KNTC1: variants seen among roughly 807,000 people sequenced by gnomAD.
KNTC1 encodes the protein kinetochore-associated protein 1.
Under a neutral mutation model 314.4 loss-of-function variants are expected in KNTC1, and 253 were observed. That is an observed-to-expected ratio of 0.80 (90% CI 0.73 to 0.89). KNTC1 has a LOEUF of 0.89. Ranked by LOEUF, KNTC1 falls within the 40% of genes least tolerant of loss-of-function variation. The pLI, the probability that KNTC1 is intolerant of heterozygous loss-of-function variation, is 0.00. For missense variants in KNTC1, 2,475 were observed against 2,572.9 expected, an observed-to-expected ratio of 0.96 and a Z score of 0.82; for synonymous variants, 901 against 901.4, an observed-to-expected ratio of 1.00 and a Z score of 0.01.
chr12:122,582,798 G>A lies in KNTC1; in HGVS notation c.3076G>A (p.Ala1026Thr). ...GCAGCACATTAAAGCTCACGAAGTT[G>A]CACAGGCGAAACACAAACCTGGGAG... ...REQHIKAHEVAQAKHKPGSTP... is the reference protein window; with the variant it reads ...REQHIKAHEVTQAKHKPGSTP... The change falls in exon 34 of 64, where the codon GCA (alanine) becomes ACA (threonine). Residue 1026 changes from alanine to threonine, a missense_variant. Coordinates refer to ENST00000333479, the MANE Select transcript of KNTC1 (RefSeq NM_014708.6). The A allele has an allele frequency of 6.2e-7, 1 of 1,612,664 alleles. No homozygotes were observed.
chr12:122,569,559 G>A (rs1189507779), intron 21 of KNTC1, 122 bp from the exon 22 acceptor site: 13 of 772,148 alleles, frequency 1.7e-5, no homozygotes, highest in Non-Finnish European at 2.3e-5. Flanking sequence ...ATCTCCTTTA[G>A]CACTCATTAT....
intron 20 of KNTC1, among the ~76,000 whole-genome samples, chr12:122,565,292 T>C (rs1039645065): frequency 6.6e-6 from 1 of 151,114 alleles, no homozygotes; most frequent in African/African-American, 2.4e-5. Context: ...GTTTTATTAT[T>C]GTTGTGTTTT....
At position 122,551,275 on chromosome 12, in the gene KNTC1, T is replaced by G. The variant is rs771431929; in HGVS notation, c.1087-44T>G. The G allele has an allele frequency of 2.2e-5, 27 of 1,239,644 alleles. No homozygotes were observed. In the African/African-American group the frequency reaches 3.0e-4, roughly 14 times the overall value. 76.8% of individuals were successfully genotyped at this position (1,239,644 alleles called of 1,614,324 possible). Reference sequence around the variant, plus strand: ...TTACTCTAGTAATTATAAAATGCATTGCTCTTATATTGGAATTTTAATCAT... The same window carrying G: ...TTACTCTAGTAATTATAAAATGCATGGCTCTTATATTGGAATTTTAATCAT... On this transcript the variant is annotated intron_variant, in intron 13 of 63. Transcript: ENST00000333479.
intron 16 of KNTC1, among the ~76,000 whole-genome samples, chr12:122,555,179 A>G (rs1963496227): frequency 6.6e-6 from 1 of 152,234 alleles, no homozygotes; most frequent in South Asian, 2.1e-4. Context: ...TGTCATGATG[A>G]CATGTAAAAG....
chr12:122,620,458 A>G (rs759103270), intron 59 of KNTC1, 21 bp from the exon 60 acceptor site: 14 of 1,605,444 alleles, frequency 8.7e-6, no homozygotes, highest in South Asian at 1.1e-5. Flanking sequence ...ATTATTAACT[A>G]ATTAATGTTC....
chr12:122,562,108 A>G, intron 19 of KNTC1, 134 bp downstream of exon 19: 1 of 818,684 alleles, frequency 1.2e-6, no homozygotes, highest in Non-Finnish European at 1.9e-6. Flanking sequence ...GCAAAATGGT[A>G]ATATTAATAG....
At chr12:122,583,040 G>C (rs7398861) in intron 34 of KNTC1, 55 bp downstream of exon 34, 1 of 1,511,534 alleles carries the variant, frequency 6.6e-7, no homozygotes, top group African/African-American at 1.4e-5. Flanking sequence ...GGCTGGGCAC[G>C]GTAACTCATA....
At chr12:122,572,878 C>A in intron 24 of KNTC1, 59 bp from the exon 25 acceptor site, 1 of 1,282,170 alleles carries the variant, frequency 7.8e-7, no homozygotes, top group Non-Finnish European at 1.1e-6. Context: ...AATTCTGATT[C>A]TATTTTTCTC....
In KNTC1 at chr12:122,542,035, AT is replaced by A; in HGVS notation, c.446-11del. The stretch of plus-strand genomic sequence containing the variant: ...TCTCAAAAAAAAGAAACTGATTCTG[AT>A]TTTATTTCAATAGGTACCTATTATA... On this transcript the variant is annotated splice_polypyrimidine_tract_variant and intron_variant, in intron 5 of 63. Transcript: ENST00000333479. 1 of 1,511,382 alleles carries A rather than the reference AT, an allele frequency of 6.6e-7. No homozygotes were observed. Among genetic ancestry groups the A allele is most frequent in the East Asian group, 2.4e-5 (1 of 41,388 alleles). 93.6% of individuals were successfully genotyped at this position (1,511,382 alleles called of 1,614,324 possible).
At position 122,575,560 on chromosome 12, in the gene KNTC1, G is replaced by C; in HGVS notation, c.2400G>C (p.Val800=). ...LSDTDLIFDA[V]LKIMYAAVVP... is the part of the protein sequence containing the mutation. ...TTTTGTAGCTCATATTTGATGCCGTGCTCAAGATCATGTATGCGGCAGTGG... is the reference window on the plus strand; with the variant it reads ...TTTTGTAGCTCATATTTGATGCCGTCCTCAAGATCATGTATGCGGCAGTGG... Residue 800 remains valine, a synonymous_variant, in exon 28 of 64, where the codon GTG becomes GTC. Transcript: ENST00000333479. 6.3e-7 allele frequency: 1 copy of C among 1,592,108 alleles called. No homozygotes were observed. Among genetic ancestry groups the C allele is most frequent in the Non-Finnish European group, 8.6e-7 (1 of 1,168,760 alleles).
intron 57 of KNTC1, 21 bp from the exon 58 acceptor site, chr12:122,618,322 A>G: frequency 6.2e-7 from 1 of 1,611,406 alleles, no homozygotes; most frequent in Non-Finnish European, 8.5e-7. Flanking sequence ...GAATATCCCA[A>G]ACGTGGACTT....
At chr12:122,557,264 G>A (rs1290057786) in intron 16 of KNTC1, 120 bp from the exon 17 acceptor site, 1 of 860,980 alleles carries the variant, frequency 1.2e-6, no homozygotes, top group Non-Finnish European at 1.8e-6. Context: ...TCTCATTCCT[G>A]GAGCGCATGA....
chr12:122,574,265 T>C lies in KNTC1; in HGVS notation c.2284-17T>C, dbSNP rs1227745833. 4.8e-6 allele frequency: 7 copies of C among 1,473,268 alleles called. 1 individual carries two copies. The South Asian group carries it at 7.1e-5, about 15-fold the overall frequency. The allele number at this position is 1,473,268 out of a possible 1,614,324, so 91.3% of individuals were successfully genotyped here. A position where few individuals can be genotyped will look rare whatever the true frequency, so the allele number is the denominator to read the frequency against. On this transcript the variant is annotated splice_polypyrimidine_tract_variant and intron_variant, in intron 26 of 63. Coordinates refer to ENST00000333479, the MANE Select transcript of KNTC1 (RefSeq NM_014708.6). ...ATTTTTAATTTTTAAAAAACATACATGTTTATCCCTTTTTAGGATTTACTG... is the reference window on the plus strand; with the variant it reads ...ATTTTTAATTTTTAAAAAACATACACGTTTATCCCTTTTTAGGATTTACTG...
chr12:122,613,585 G>A (rs761399437), intron 54 of KNTC1, 41 bp from the exon 55 acceptor site: 18 of 1,536,288 alleles, frequency 1.2e-5, no homozygotes, highest in Non-Finnish European at 1.6e-5. Flanking sequence ...ATGTAAATGT[G>A]GCCTATGAGA....
chr12:122,577,834 A>G (rs1364839579), intron 31 of KNTC1, 43 bp downstream of exon 31: 1 of 1,544,474 alleles, frequency 6.5e-7, no homozygotes, highest in Middle Eastern at 1.7e-4. Context: ...TCCAATTTTT[A>G]TGGCTATTAA....
At chr12:122,544,791 T>TA (rs772386866) in intron 8 of KNTC1, among the ~76,000 whole-genome samples, 9 of 152,154 alleles carry the variant, frequency 5.9e-5, no homozygotes, top group South Asian at 2.1e-4. Context: ...TTAGTGAAAA[T>TA]AAAGATGTAA....
chr12:122,591,224 T>TTCTACAC (rs1870145465), intron 41 of KNTC1, 113 bp from the exon 42 acceptor site: 3 of 716,958 alleles, frequency 4.2e-6, no homozygotes, highest in Non-Finnish European at 7.6e-6. Flanking sequence ...ATATGTAACA[T>TTCTACAC]TCTACACGGT....
rs757801099 is a variant in KNTC1 at position 122,575,577 on chromosome 12, C to T, written c.2417C>T (p.Ala806Val). The T allele has an allele frequency of 1.3e-5, 21 of 1,596,426 alleles. No individual in the cohort carries two copies. The highest frequency in any genetic ancestry group is 2.3e-5 in the South Asian group (2 of 87,906). The change falls in exon 28 of 64, where the codon GCG becomes GTG. Residue 806 changes from alanine (A) to valine (V), a missense_variant. Ala to Val is a moderately conservative substitution (Grantham distance 64, BLOSUM62 0). Coordinates refer to ENST00000333479, the MANE Select transcript of KNTC1 (RefSeq NM_014708.6). ...IFDAVLKIMY[A>V]AVVPWSAAVE... ...GATGCCGTGCTCAAGATCATGTATG[C>T]GGCAGTGGTTCCTTGGAGTGCAGCT...
intron 16 of KNTC1, among the ~76,000 whole-genome samples, chr12:122,553,425 G>A (rs78113440): frequency 0.015 from 2,293 of 152,174 alleles, 32 homozygotes; most frequent in Non-Finnish European, 0.022. Context: ...GAGGCTGAGG[G>A]AGGAAGATTC....
Sources: gnomAD v4.1 joint callset for allele counts (sites outside exome capture counted in the v4.1 genomes callset) on GRCh38, gnomAD v4.1.1 for gene constraint, MANE v1.5 for transcripts, NCBI Gene and HGNC (gene_info 2026-07-23, HGNC 2026-07-21) for gene names.